The following ZNF774 variants were observed in gnomAD, a reference collection of about 807,000 sequenced individuals.
ZNF774 encodes the protein zinc finger protein 774.
In ZNF774, 14 loss-of-function variants were observed where a neutral mutation model predicts 11.1. That is an observed-to-expected ratio of 1.26 (90% CI 0.83 to 1.97). The LOEUF (loss-of-function observed/expected upper bound fraction) is 1.97. Among genes scored for constraint, ZNF774 ranks in the 30% most tolerant of loss-of-function variants. The pLI is 0.00. For synonymous variants in ZNF774, 195 were observed against 212.6 expected, an observed-to-expected ratio of 0.92 and a Z score of 0.72; for missense variants, 599 against 587.0, an observed-to-expected ratio of 1.02 and a Z score of -0.21.
In ZNF774 at chr15:90,362,479, G is replaced by C; in HGVS notation, c.*1196G>C. On this transcript the variant is annotated 3_prime_UTR_variant, in exon 4 of 4. Transcript: ENST00000354377. The stretch of plus-strand genomic sequence containing the variant: ...CATTTAGCTGAAGGAAGCAACTCTT[G>C]TTTTCTAATTTGCTGGGTCATTGGC... 7.0e-7 allele frequency: 1 copy of C among 1,431,420 alleles called. No individual in the cohort carries two copies. The highest frequency in any genetic ancestry group is 2.5e-5 in the East Asian group (1 of 40,370). 88.7% of individuals were successfully genotyped at this position (1,431,420 alleles called of 1,614,324 possible). A position where few individuals can be genotyped will look rare whatever the true frequency, so the allele number is the denominator to read the frequency against.
chr15:90,361,159 G>A lies in ZNF774; in HGVS notation c.1328G>A (p.Arg443His), dbSNP rs1192774939. Reference protein sequence around the residue: ...CPECGKTFNQRSHFLTHQRTH... With the variant: ...CPECGKTFNQHSHFLTHQRTH... ...GAGTGTGGCAAGACCTTCAATCAGCGTTCCCATTTCCTCACACACCAGAGA... is the reference window on the plus strand; with the variant it reads ...GAGTGTGGCAAGACCTTCAATCAGCATTCCCATTTCCTCACACACCAGAGA... The change falls in exon 4 of 4, where the codon CGT becomes CAT. Residue 443 changes from arginine (R) to histidine (H), a missense_variant. Arg to His is a conservative substitution (Grantham distance 29). Coordinates refer to ENST00000354377, the MANE Select transcript of ZNF774 (RefSeq NM_001004309.3). 3.1e-6 allele frequency: 5 copies of A among 1,614,166 alleles called. No homozygotes were observed. Among genetic ancestry groups the A allele is most frequent in the South Asian group, 2.2e-5 (2 of 91,080 alleles).
chr15:90,358,844 T>C lies in ZNF774; in HGVS notation c.105-7T>C. ...GACTCACATCCTATGTTTACATTCC[T>C]GTGTAGAATTTCCAGGCCTAGTGTA... On this transcript the variant is annotated splice_region_variant and splice_polypyrimidine_tract_variant and intron_variant, in intron 2 of 3. Coordinates refer to ENST00000354377, the MANE Select transcript of ZNF774 (RefSeq NM_001004309.3). The C allele has an allele frequency of 6.2e-7, 1 of 1,610,860 alleles. No homozygotes were observed.
In ZNF774 at chr15:90,358,897, C is replaced by G. The variant is rs747823646; in HGVS notation, c.151C>G (p.Pro51Ala). 11 of 1,613,326 alleles carry G rather than the reference C, an allele frequency of 6.8e-6. No homozygotes were observed. The highest frequency in any genetic ancestry group is 2.7e-5 in the African/African-American group (2 of 74,850). The change falls in exon 3 of 4, where the codon CCA becomes GCA. Residue 51 changes from proline to alanine, a missense_variant. Coordinates refer to ENST00000354377, the MANE Select transcript of ZNF774 (RefSeq NM_001004309.3). ...CTCCCAGCCGGAGCAGAAAGAAGAG[C>G]CATGGGTCCTACCACTCCAAAACTT... Reference protein sequence around the residue: ...VISQPEQKEEPWVLPLQNFEA... With the variant: ...VISQPEQKEEAWVLPLQNFEA...
intron 1 of ZNF774, 78 bp from the exon 2 acceptor site, chr15:90,354,564 G>A: frequency 1.1e-6 from 1 of 906,826 alleles, no homozygotes; most frequent in Non-Finnish European, 1.7e-6. Flanking sequence ...GTGTACACTG[G>A]TGGCCATTTT....
At chr15:90,357,494 G>C (rs1964264162) in intron 2 of ZNF774, among the ~76,000 whole-genome samples, 1 of 152,206 alleles carries the variant, frequency 6.6e-6, no homozygotes, top group Admixed American at 6.5e-5. Context: ...CAGAGCAAGA[G>C]CCTGTCTCAA....
In ZNF774 at chr15:90,360,233, A is replaced by G. The variant is rs756948780; in HGVS notation, c.402A>G (p.Ser134=). 1 of 1,614,228 alleles carries G rather than the reference A, an allele frequency of 6.2e-7. No homozygotes were observed. Among genetic ancestry groups the G allele is most frequent in the Admixed American group, 1.7e-5 (1 of 60,024 alleles). Residue 134 remains serine, a synonymous_variant, in exon 4 of 4, where the codon TCA becomes TCG. Transcript: ENST00000354377. ...LPGEGQLESF[S]QERDLNKLLD... ...GAGAGGGCCAGCTGGAGTCCTTTTC[A>G]CAGGAGAGGGATTTAAACAAGCTCC... is the stretch of plus-strand genomic sequence containing the variant.
At chr15:90,353,128 C>G (rs541673793) in intron 1 of ZNF774, among the ~76,000 whole-genome samples, 1 of 151,946 alleles carries the variant, frequency 6.6e-6, no homozygotes, top group Non-Finnish European at 1.5e-5. Flanking sequence ...CCACCACACC[C>G]GGCTAATTTT....
chr15:90,355,743 A>C (rs1035771655), intron 2 of ZNF774, among the ~76,000 whole-genome samples: 4 of 149,084 alleles, frequency 2.7e-5, no homozygotes, highest in African/African-American at 9.9e-5. Context: ...AAAAAAAAAA[A>C]AACAAGGCTG....
chr15:90,362,730 G>T lies in ZNF774; in HGVS notation c.*1447G>T. The T allele has an allele frequency of 1.6e-6, 1 of 621,476 alleles. No individual in the cohort carries two copies. Among genetic ancestry groups the T allele is most frequent in the Non-Finnish European group, 2.9e-6 (1 of 348,448 alleles). The allele number at this position is 621,476 out of a possible 1,614,324, so 38.5% of individuals were successfully genotyped here. A position where few individuals can be genotyped will look rare whatever the true frequency, so the allele number is the denominator to read the frequency against. On this transcript the variant is annotated 3_prime_UTR_variant, in exon 4 of 4. Transcript: ENST00000354377. Reference sequence around the variant, plus strand: ...CAAGTTTTACCTACCTCACAAGGTTGTTGTGAGGATCTAAAAATACACACA... The same window carrying T: ...CAAGTTTTACCTACCTCACAAGGTTTTTGTGAGGATCTAAAAATACACACA...
rs1286304012 is a variant in ZNF774, at chr15:90,358,964, T to C, written c.211+7T>C. On this transcript the variant is annotated splice_region_variant and intron_variant, in intron 3 of 3. Coordinates refer to ENST00000354377, the MANE Select transcript of ZNF774 (RefSeq NM_001004309.3). ...CCGAGGGAAAGCCACACAGGTGAGA[T>C]GTGAGTGCTCCCCAGTGGAAGGAAA... The C allele has an allele frequency of 2.5e-6, 4 of 1,608,046 alleles. No individual in the cohort carries two copies. The highest frequency in any genetic ancestry group is 3.3e-5 in the Admixed American group (2 of 59,950).
In ZNF774 at chr15:90,362,762, C is replaced by A; in HGVS notation, c.*1479C>A. ...GGATCTAAAAATACACACACACACA[C>A]ACACACACACACACACACACACACT... On this transcript the variant is annotated 3_prime_UTR_variant, in exon 4 of 4. Coordinates refer to ENST00000354377, the MANE Select transcript of ZNF774 (RefSeq NM_001004309.3). 1 of 552,162 alleles carries A rather than the reference C, an allele frequency of 1.8e-6. No homozygotes were observed. The highest frequency in any genetic ancestry group is 3.3e-6 in the Non-Finnish European group (1 of 307,636). 34.2% of individuals were successfully genotyped at this position (552,162 alleles called of 1,614,324 possible).
rs773383544 is a variant in ZNF774 at position 90,361,158 on chromosome 15, C to T, written c.1327C>T (p.Arg443Cys). The T allele has an allele frequency of 1.2e-6, 2 of 1,614,182 alleles. No homozygotes were observed. Among genetic ancestry groups the T allele is most frequent in the Admixed American group, 1.7e-5 (1 of 60,022 alleles). The change falls in exon 4 of 4, where the codon CGT becomes TGT. Residue 443 changes from arginine to cysteine, a missense_variant. Transcript: ENST00000354377. ...CPECGKTFNQ[R>C]SHFLTHQRTH... ...TGAGTGTGGCAAGACCTTCAATCAG[C>T]GTTCCCATTTCCTCACACACCAGAG...
In ZNF774 at chr15:90,360,558, A is replaced by C. The variant is rs773125084; in HGVS notation, c.727A>C (p.Thr243Pro). 6.2e-7 allele frequency: 1 copy of C among 1,613,666 alleles called. No homozygotes were observed. Among genetic ancestry groups the C allele is most frequent in the East Asian group, 2.2e-5 (1 of 44,862 alleles). ...CTATGAGTGCCCAGAGTGTGGAAAG[A>C]CTTTTGGGCGGAAGCCACACCTCAT... is the stretch of plus-strand genomic sequence containing the variant. ...RPYECPECGK[T>P]FGRKPHLIMH... is the part of the protein sequence containing the mutation. The change falls in exon 4 of 4, where the codon ACT (threonine) becomes CCT (proline). Residue 243 changes from threonine to proline, a missense_variant. Coordinates refer to ENST00000354377, the MANE Select transcript of ZNF774 (RefSeq NM_001004309.3).
intron 1 of ZNF774, among the ~76,000 whole-genome samples, chr15:90,353,678 C>T (rs1964205338): frequency 6.6e-6 from 1 of 151,580 alleles, no homozygotes; most frequent in South Asian, 2.1e-4. Flanking sequence ...TCACTGCAGC[C>T]TGGAACTCCT....
intron 2 of ZNF774, among the ~76,000 whole-genome samples, chr15:90,357,512 C>G (rs980361476): frequency 6.6e-6 from 1 of 152,178 alleles, no homozygotes; most frequent in African/African-American, 2.4e-5. Flanking sequence ...CAAAAACAAA[C>G]AAACACACAC....
intron 2 of ZNF774, among the ~76,000 whole-genome samples, chr15:90,356,039 AATAAAT>A (rs1567100696): frequency 1.2e-5 from 1 of 86,046 alleles, no homozygotes; most frequent in African/African-American, 6.2e-5. Context: ...AAAAAAAAAA[AATAAAT>A]AAAAAAAACC....
rs1212341766 is a variant in ZNF774 at position 90,361,037 on chromosome 15, C to T, written c.1206C>T (p.Pro402=). The part of the protein sequence containing the change: ...KHQRIHTGER[P]YKCGECGKSF... ...AACGAATCCACACCGGAGAAAGACC[C>T]TACAAATGTGGAGAGTGTGGGAAGA... Residue 402 remains proline (P), a synonymous_variant, in exon 4 of 4, where the codon CCC becomes CCT. Transcript: ENST00000354377. 6.2e-7 allele frequency: 1 copy of T among 1,614,026 alleles called. No homozygotes were observed. The highest frequency in any genetic ancestry group is 8.5e-7 in the Non-Finnish European group (1 of 1,180,014).
rs1357115942 is a variant in ZNF774, at chr15:90,354,781, C to T, written c.104+17C>T. ...TCTCAAAGGGTAAGAATGCTACTCTCCTTTATTTCATTTATTTATCTTGTT... is the reference window on the plus strand; with the variant it reads ...TCTCAAAGGGTAAGAATGCTACTCTTCTTTATTTCATTTATTTATCTTGTT... On this transcript the variant is annotated intron_variant, in intron 2 of 3. Coordinates refer to ENST00000354377, the MANE Select transcript of ZNF774 (RefSeq NM_001004309.3). The T allele has an allele frequency of 6.3e-7, 1 of 1,578,172 alleles. No individual in the cohort carries two copies. The highest frequency in any genetic ancestry group is 1.1e-5 in the South Asian group (1 of 88,468).
At chr15:90,359,540 C>T (rs925982175) in intron 3 of ZNF774, among the ~76,000 whole-genome samples, 5 of 152,012 alleles carry the variant, frequency 3.3e-5, no homozygotes, top group Admixed American at 1.3e-4. Context: ...CTGCAACCTC[C>T]GCCTCCCGGG....
Sources: gnomAD v4.1 joint callset for allele counts (sites outside exome capture counted in the v4.1 genomes callset) on GRCh38, gnomAD v4.1.1 for gene constraint, MANE v1.5 for transcripts, NCBI Gene and HGNC (gene_info 2026-07-23, HGNC 2026-07-21) for gene names.